Variants in MCF2L observed in about 807,000 individuals in gnomAD.
MCF2L encodes MCF.2 cell line derived transforming sequence like, also known as guanine nucleotide exchange factor DBS.
MCF2L carries 97 observed loss-of-function variants against 153.4 expected under a neutral mutation model. The observed-to-expected ratio is 0.63, with a 90% CI of 0.54 to 0.75. The LOEUF is 0.75. Ranked by LOEUF, MCF2L falls within the 30% of genes least tolerant of loss-of-function variation. The pLI is 0.00. For synonymous variants in MCF2L, 659 were observed against 632.2 expected, an observed-to-expected ratio of 1.04 and a Z score of -0.64; for missense variants, 1,347 against 1,495.2, an observed-to-expected ratio of 0.90 and a Z score of 1.64.
At chr13:113,006,370 G>A (rs371100553) in intron 1 of MCF2L, among the ~76,000 whole-genome samples, 1 of 152,184 alleles carries the variant, frequency 6.6e-6, no homozygotes, top group Admixed American at 6.5e-5. Context: ...AGGTCCTCGC[G>A]AGGACTCACT....
chr13:112,926,521 G>A (rs2081408512), intron 2 of MCF2L, among the ~76,000 whole-genome samples: 1 of 152,066 alleles, frequency 6.6e-6, no homozygotes, highest in Admixed American at 6.5e-5. Flanking sequence ...GCGGAGTACT[G>A]TACGGCCTGG....
chr13:112,910,599 A>C (rs1450868203), intron 2 of MCF2L: 1 of 152,270 alleles, frequency 6.6e-6, no homozygotes, highest in Non-Finnish European at 1.5e-5. Context: ...ATGCACCTAA[A>C]TATAAATGTT....
chr13:113,004,959 T>C (rs2083589652), intron 1 of MCF2L, among the ~76,000 whole-genome samples: 1 of 152,098 alleles, frequency 6.6e-6, no homozygotes, highest in African/African-American at 2.4e-5. Flanking sequence ...CCTCAAGTAA[T>C]TGAAAAGAGC....
At chr13:112,916,566 T>C (rs2081294405) in intron 2 of MCF2L, among the ~76,000 whole-genome samples, 1 of 152,164 alleles carries the variant, frequency 6.6e-6, no homozygotes, top group Admixed American at 6.5e-5. Flanking sequence ...GTCCTCTGAC[T>C]TCCTTGCACC....
intron 4 of MCF2L, among the ~76,000 whole-genome samples, chr13:113,048,694 G>C (rs1209639620): frequency 6.6e-6 from 1 of 151,930 alleles, no homozygotes; most frequent in Non-Finnish European, 1.5e-5. Flanking sequence ...CGCCTGCCTC[G>C]GCCTCCCAAA....
In MCF2L at chr13:112,904,507, G is replaced by A. The variant is rs556734566; in HGVS notation, c.169+2136G>A. 5.9e-5 allele frequency among the ~76,000 whole-genome samples: 9 copies of A among 152,202 alleles called. No homozygotes were observed. The highest frequency in any genetic ancestry group is 9.7e-5 in the African/African-American group (4 of 41,448). ...GGTCAGAGCACCCACTTAGCAAGCC[G>A]TGGCTCTTAATAATGTCACATCTGA... is the stretch of plus-strand genomic sequence containing the variant. On this transcript the variant is annotated intron_variant, in intron 2 of 29. Coordinates refer to the MCF2L transcript ENST00000375608. The surrounding 1 kb of genome is among the most constrained non-coding windows in gnomAD (Gnocchi z 4.2).
Position 112,907,390 on chromosome 13 carries a change from T to C in MCF2L, c.169+5019T>C, listed in dbSNP as rs993254091. On this transcript the variant is annotated intron_variant, in intron 2 of 29. Coordinates refer to the MCF2L transcript ENST00000375608. The surrounding 1 kb of genome is among the most constrained non-coding windows in gnomAD (Gnocchi z 5.1). ...TCCACAGTGTTTCTGGCATGGGTCA[T>C]AGTCGTGGCTTGGTGGAGAATCCTC... Among the ~76,000 whole-genome samples, 4 of 152,198 alleles carry C rather than the reference T, an allele frequency of 2.6e-5. No individual in the cohort carries two copies. Among genetic ancestry groups the C allele is most frequent in the African/African-American group, 9.6e-5 (4 of 41,452 alleles).
At chr13:112,970,732 C>T (rs1344257295) in intron 1 of MCF2L, among the ~76,000 whole-genome samples, 3 of 152,126 alleles carry the variant, frequency 2.0e-5, no homozygotes, top group Non-Finnish European at 4.4e-5. Context: ...TGTCATTCCC[C>T]AGGTTTTTAG....
chr13:113,081,231 C>T lies in MCF2L; in HGVS notation c.1827C>T (p.Leu609=), dbSNP rs1460490526. Residue 609 remains leucine (L), a synonymous_variant, in exon 16 of 30, where the codon CTC becomes CTT. Coordinates refer to ENST00000535094, the MANE Select transcript of MCF2L (RefSeq NM_001112732.3). ...CCACCAGGCACGTGATGAGCGAGCT[C>T]CTGGACACAGAACGGGCCTACGTGG... ...AILRRHVMSE[L]LDTERAYVEE... is the part of the protein sequence containing the mutation. 9 of 1,591,090 alleles carry T rather than the reference C, an allele frequency of 5.7e-6. No homozygotes were observed. The highest frequency in any genetic ancestry group is 6.8e-6 in the Non-Finnish European group (8 of 1,169,748).
intron 1 of MCF2L, among the ~76,000 whole-genome samples, chr13:113,012,371 G>A (rs1414878430): frequency 3.7e-5 from 4 of 106,966 alleles, no homozygotes; most frequent in South Asian, 4.8e-4. Flanking sequence ...TGATGCGGAC[G>A]GTGGACAGGC....
intron 1 of MCF2L, among the ~76,000 whole-genome samples, chr13:113,005,001 G>T (rs1230688210): frequency 3.3e-5 from 5 of 152,316 alleles, no homozygotes; most frequent in African/African-American, 1.2e-4. Context: ...CCCCACTGTG[G>T]GTGGGTATCG....
At chr13:112,948,444 T>A (rs1443125261) in intron 2 of MCF2L, among the ~76,000 whole-genome samples, 4 of 152,244 alleles carry the variant, frequency 2.6e-5, no homozygotes, top group African/African-American at 9.6e-5. Context: ...GCTTAGAGAT[T>A]TCTTCTGCCA....
At chr13:113,030,272 C>T (rs1199376195) in intron 3 of MCF2L, among the ~76,000 whole-genome samples, 4 of 149,636 alleles carry the variant, frequency 2.7e-5, no homozygotes, top group Non-Finnish European at 5.9e-5. Flanking sequence ...CGGGTGTCCA[C>T]TGATGCAGGT....
At chr13:113,047,038 G>T in intron 4 of MCF2L, 1 of 162,632 alleles carries the variant, frequency 6.1e-6, no homozygotes, top group Non-Finnish European at 1.3e-5. Flanking sequence ...AGTCGTGGTG[G>T]AAGGCAGCGG....
At chr13:112,938,285 T>G (rs1356364644) in intron 2 of MCF2L, among the ~76,000 whole-genome samples, 55 of 139,258 alleles carry the variant, frequency 3.9e-4, no homozygotes, top group Admixed American at 2.8e-3. Flanking sequence ...TGAGCGCTGA[T>G]GGGTTGGTTC....
chr13:112,995,341 G>A (rs1488917795), intron 1 of MCF2L, among the ~76,000 whole-genome samples: 1 of 152,266 alleles, frequency 6.6e-6, no homozygotes, highest in African/African-American at 2.4e-5. Flanking sequence ...GAAGGAAAGA[G>A]GGTCCATTTG....
chr13:112,995,484 C>A (rs985542113), intron 1 of MCF2L, among the ~76,000 whole-genome samples: 4 of 152,310 alleles, frequency 2.6e-5, no homozygotes, highest in East Asian at 1.9e-4. Context: ...TGAGCTGCTG[C>A]TGGGTGGCAG....
chr13:113,098,052 C>A lies in MCF2L; in HGVS notation c.*1193C>A, dbSNP rs1198562876. The A allele has an allele frequency of 6.6e-6, 1 of 152,370 alleles. No individual in the cohort carries two copies. Among genetic ancestry groups the A allele is most frequent in the Non-Finnish European group, 1.5e-5 (1 of 68,046 alleles). 9.4% of individuals were successfully genotyped at this position (152,370 alleles called of 1,614,324 possible). ...TGAAGCCCTTTCGGTGTCTAGTCTGCAGATGTTTTTGTATGTGTGCACCTC... is the reference window on the plus strand; with the variant it reads ...TGAAGCCCTTTCGGTGTCTAGTCTGAAGATGTTTTTGTATGTGTGCACCTC... On this transcript the variant is annotated 3_prime_UTR_variant, in exon 30 of 30. Transcript: ENST00000535094.
chr13:112,952,611 A>G (rs116477184), intron 2 of MCF2L, among the ~76,000 whole-genome samples: 66,387 of 151,480 alleles, frequency 0.44, 14,626 homozygotes, highest in South Asian at 0.49. Context: ...TGTTTGGGGC[A>G]TATCTGGTGG....
Sources: allele counts gnomAD v4.1 joint callset (sites outside exome capture counted in the v4.1 genomes callset), GRCh38; gene constraint gnomAD v4.1.1; non-coding constraint Gnocchi (gnomAD v3.1); transcripts MANE v1.5; gene names NCBI Gene and HGNC (gene_info 2026-07-23, HGNC 2026-07-21).